The following ANKS1B variants were observed in gnomAD, a reference collection of about 807,000 sequenced individuals.
The protein encoded by ANKS1B is ankyrin repeat and sterile alpha motif domain-containing protein 1B.
A neutral mutation model predicts 148.3 loss-of-function variants in ANKS1B; 36 were observed. The ratio of observed to expected loss-of-function variants is 0.24; its 90% CI spans 0.19 to 0.32. The LOEUF (loss-of-function observed/expected upper bound fraction) is 0.32, where lower values mean the gene tolerates loss of function less well. Ranked by LOEUF, ANKS1B falls within the 10% of genes least tolerant of loss-of-function variation. The probability of loss-of-function intolerance (pLI) is 1.00; values close to 1 mark genes in which losing one functional copy is unlikely to be tolerated. For missense variants in ANKS1B, 1,157 were observed against 1,542.6 expected (o/e 0.75, Z 4.19); for synonymous variants, 542 against 560.8 (o/e 0.97, Z 0.47).
intron 11 of ANKS1B, among the ~76,000 whole-genome samples, chr12:99,423,779 C>A (rs1311185597): frequency 6.6e-6 from 1 of 152,024 alleles, no homozygotes; most frequent in Non-Finnish European, 1.5e-5. Context: ...TAAGTGGGAG[C>A]TAAATGGTGA....
intron 14 of ANKS1B, among the ~76,000 whole-genome samples, chr12:99,219,626 C>T (rs765053060): frequency 3.3e-5 from 5 of 152,096 alleles, no homozygotes; most frequent in Admixed American, 1.3e-4. Context: ...AAAAAGTACA[C>T]AAAAAGATGC....
chr12:99,307,843 A>T (rs1167188911), intron 12 of ANKS1B, among the ~76,000 whole-genome samples: 1 of 152,082 alleles, frequency 6.6e-6, no homozygotes, highest in African/African-American at 2.4e-5. Context: ...TGGAAAAAAC[A>T]ATTCTCCAAA....
chr12:99,756,181 T>C (rs2061549966), intron 8 of ANKS1B, among the ~76,000 whole-genome samples: 2 of 150,422 alleles, frequency 1.3e-5, no homozygotes, highest in African/African-American at 4.9e-5. Flanking sequence ...ACATGATCCA[T>C]ATCTAGAAAA....
chr12:99,190,258 A>G (rs1396297645), intron 14 of ANKS1B, among the ~76,000 whole-genome samples: 2 of 152,218 alleles, frequency 1.3e-5, no homozygotes, highest in Non-Finnish European at 2.9e-5. Flanking sequence ...GAAAACGTCC[A>G]TACTACCCAA....
intron 16 of ANKS1B, among the ~76,000 whole-genome samples, chr12:99,069,825 T>C (rs2045712310): frequency 2.0e-5 from 3 of 152,104 alleles, no homozygotes; most frequent in Admixed American, 2.0e-4. Context: ...GATGAGTAAA[T>C]TGATGGGTGA....
At chr12:99,940,644 G>A (rs759134918) in intron 1 of ANKS1B, among the ~76,000 whole-genome samples, 3 of 152,164 alleles carry the variant, frequency 2.0e-5, no homozygotes, top group Admixed American at 1.3e-4. Flanking sequence ...CTTACTTAAC[G>A]CTTCCAACTT....
intron 8 of ANKS1B, among the ~76,000 whole-genome samples, chr12:99,702,683 T>C (rs975707846): frequency 2.1e-5 from 3 of 142,788 alleles, no homozygotes; most frequent in East Asian, 2.3e-4. Flanking sequence ...GCTGGGACCA[T>C]AGGCATGCAC....
intron 10 of ANKS1B, among the ~76,000 whole-genome samples, chr12:99,491,269 C>G (rs944257234): frequency 6.6e-6 from 1 of 151,604 alleles, no homozygotes; most frequent in Non-Finnish European, 1.5e-5. Flanking sequence ...AACGCCACTG[C>G]ACTCCAGCCT....
At position 98,745,375 on chromosome 12, in the gene ANKS1B, CTTTTTTTTTTT is replaced by C. The variant is rs71305587; in HGVS notation, c.*353_*363del. ...TAGGCAGTATTAGAGATCCCCTTTA[CTTTTTTTTTTT>C]TTTTTTTTTTTTTAAAGAAAAGGTA... On this transcript the variant is annotated 3_prime_UTR_variant, in exon 27 of 27. Transcript: ENST00000683438. 4.4e-6 allele frequency: 4 copies of C among 913,718 alleles called. No individual in the cohort carries two copies. Among genetic ancestry groups the C allele is most frequent in the South Asian group, 5.4e-5 (1 of 18,658 alleles). The allele number at this position is 913,718 out of a possible 1,614,324, so 56.6% of individuals were successfully genotyped here.
intron 16 of ANKS1B, among the ~76,000 whole-genome samples, chr12:99,075,848 T>C (rs186346887): frequency 1.2e-3 from 178 of 148,408 alleles, no homozygotes; most frequent in African/African-American, 4.2e-3. Flanking sequence ...ATATGTTTTA[T>C]ATTATATATA....
At chr12:99,388,160 G>C (rs78599061) in intron 12 of ANKS1B, among the ~76,000 whole-genome samples, 4,379 of 152,210 alleles carry the variant, frequency 0.029, 212 homozygotes, top group African/African-American at 0.094. Context: ...AAAGAACTCT[G>C]TTAGCTTTAA....
chr12:98,778,998 ATGT>A (rs772622822), intron 24 of ANKS1B, among the ~76,000 whole-genome samples: 35 of 152,308 alleles, frequency 2.3e-4, no homozygotes, highest in Non-Finnish European at 5.0e-4. Context: ...AGCCAGGCAC[ATGT>A]TGTCATACAT....
intron 15 of ANKS1B, chr12:99,104,795 T>G (rs2058775184): frequency 1.3e-5 from 2 of 152,274 alleles, no homozygotes; most frequent in Non-Finnish European, 2.9e-5. Flanking sequence ...TTCCTAGTTC[T>G]GTTTATCACT....
intron 8 of ANKS1B, among the ~76,000 whole-genome samples, chr12:99,753,067 G>A (rs573095159): frequency 6.6e-6 from 1 of 152,106 alleles, no homozygotes; most frequent in South Asian, 2.1e-4. Context: ...TGAAGTTCAG[G>A]TGTTTTTTAT....
intron 17 of ANKS1B, among the ~76,000 whole-genome samples, chr12:98,915,013 C>T (rs2099792248): frequency 6.6e-6 from 1 of 152,218 alleles, no homozygotes; most frequent in Non-Finnish European, 1.5e-5. Flanking sequence ...TTTACTGCTA[C>T]ATCCTCAGCA....
chr12:99,924,369 C>G (rs1247888293), intron 1 of ANKS1B, among the ~76,000 whole-genome samples: 1 of 152,172 alleles, frequency 6.6e-6, no homozygotes, highest in Non-Finnish European at 1.5e-5. Context: ...GAATTGTTCT[C>G]AAGATATTTC....
chr12:99,235,913 T>C (rs751666769), intron 14 of ANKS1B, among the ~76,000 whole-genome samples: 3 of 152,186 alleles, frequency 2.0e-5, no homozygotes, highest in Middle Eastern at 3.2e-3. Flanking sequence ...GATTGCAATG[T>C]TACTTCTTAG....
intron 14 of ANKS1B, among the ~76,000 whole-genome samples, chr12:99,233,445 A>G (rs1473536546): frequency 1.3e-5 from 2 of 152,126 alleles, no homozygotes; most frequent in Admixed American, 1.3e-4. Context: ...CAAACCTGAG[A>G]GTGCATGATG....
intron 8 of ANKS1B, among the ~76,000 whole-genome samples, chr12:99,679,926 T>C (rs2098604473): frequency 6.6e-6 from 1 of 152,150 alleles, no homozygotes; most frequent in Non-Finnish European, 1.5e-5. Context: ...CATAGGAACA[T>C]ACCAGAAAAA....
Sources: gnomAD v4.1 joint callset for allele counts (sites outside exome capture counted in the v4.1 genomes callset) on GRCh38, gnomAD v4.1.1 for gene constraint, MANE v1.5 for transcripts, NCBI Gene and HGNC (gene_info 2026-07-23, HGNC 2026-07-21) for gene names.